Variants in STARD13 observed in about 807,000 individuals in gnomAD.
The protein encoded by STARD13 is StAR related lipid transfer domain containing 13.
In STARD13, 62 loss-of-function variants were observed where a neutral mutation model predicts 106.4. The ratio of observed to expected loss-of-function variants is 0.58; its 90% CI spans 0.48 to 0.72. The LOEUF (loss-of-function observed/expected upper bound fraction) is 0.72, where lower values mean the gene tolerates loss of function less well. Ranked by LOEUF, STARD13 falls within the 30% of genes least tolerant of loss-of-function variation. STARD13 has a pLI of 0.00. For synonymous variants in STARD13, 565 were observed against 553.0 expected, an observed-to-expected ratio of 1.02 and a Z score of -0.31; for missense variants, 1,387 against 1,424.0, an observed-to-expected ratio of 0.97 and a Z score of 0.42.
chr13:33,239,112 G>A (rs1332923912), intron 1 of STARD13, among the ~76,000 whole-genome samples: 2 of 151,948 alleles, frequency 1.3e-5, no homozygotes, highest in East Asian at 1.9e-4. Flanking sequence ...CCTCATGGAA[G>A]TGGAATCATG....
At chr13:33,402,750 G>A in the STARD13 span, among the ~76,000 whole-genome samples, 1 of 152,212 alleles carries the variant, frequency 6.6e-6, no homozygotes, top group Admixed American at 6.5e-5. Flanking sequence ...GAGAAGAGGA[G>A]GAATTTCTGA....
Position 33,196,429 on chromosome 13 carries a change from A to G in STARD13, c.170-28807T>C, listed in dbSNP as rs1249333799. Among the ~76,000 whole-genome samples, 3 of 152,328 alleles carry G rather than the reference A, an allele frequency of 2.0e-5. No individual in the cohort carries two copies. In the South Asian group the frequency reaches 6.2e-4, roughly 32 times the overall value. ...CAAATAAAATAAATATTTTTAAAGA[A>G]ACAAATTGTTATGCCAGTATGCAAT... On this transcript the variant is annotated intron_variant, in intron 1 of 13. Coordinates refer to ENST00000336934, the MANE Select transcript of STARD13 (RefSeq NM_178006.4).
chr13:33,656,287 G>A, the STARD13 span, among the ~76,000 whole-genome samples: 1 of 152,144 alleles, frequency 6.6e-6, no homozygotes, highest in Non-Finnish European at 1.5e-5. Flanking sequence ...AGGGAAAAGC[G>A]ATAGAAGGGA....
chr13:33,430,179 A>G, the STARD13 span, among the ~76,000 whole-genome samples: 4 of 152,228 alleles, frequency 2.6e-5, no homozygotes, highest in Admixed American at 6.5e-5. Context: ...GGCCTCCCAA[A>G]GTACTGGGAT....
At chr13:33,505,634 T>C in the STARD13 span, among the ~76,000 whole-genome samples, 10 of 152,306 alleles carry the variant, frequency 6.6e-5, no homozygotes, top group East Asian at 1.9e-3. Context: ...TTTAACTACA[T>C]CTTTTGTTAA....
intron 1 of STARD13, among the ~76,000 whole-genome samples, chr13:33,247,526 G>C (rs1481269395): frequency 6.6e-6 from 1 of 151,744 alleles, no homozygotes; most frequent in African/African-American, 2.4e-5. Flanking sequence ...GTTTCAGGGT[G>C]CCTAATATAC....
chr13:33,370,619 C>CTTTTTTTTTTT, the STARD13 span, among the ~76,000 whole-genome samples: 1 of 131,620 alleles, frequency 7.6e-6, no homozygotes, highest in Non-Finnish European at 1.6e-5. Flanking sequence ...TTCTTTCTTT[C>CTTTTTTTTTTT]TTTTTTTTTT....
intron 1 of STARD13, among the ~76,000 whole-genome samples, chr13:33,209,324 T>C (rs1302646895): frequency 1.3e-5 from 2 of 152,192 alleles, no homozygotes; most frequent in Middle Eastern, 3.2e-3. Context: ...CCAGAACCTG[T>C]GTGCCTGAGC....
chr13:33,264,647 C>T (rs1020793168), intron 1 of STARD13, among the ~76,000 whole-genome samples: 1 of 152,100 alleles, frequency 6.6e-6, no homozygotes, highest in Non-Finnish European at 1.5e-5. Flanking sequence ...GGGACAAGAA[C>T]ACTAAGTGGG....
chr13:33,233,040 T>C (rs1395215081), intron 1 of STARD13, among the ~76,000 whole-genome samples: 2 of 152,216 alleles, frequency 1.3e-5, no homozygotes, highest in African/African-American at 4.8e-5. Flanking sequence ...ACCAAACCCC[T>C]GGCACTTCAG....
the STARD13 span, among the ~76,000 whole-genome samples, chr13:33,544,130 CTAAAAT>C: frequency 7.2e-5 from 11 of 152,108 alleles, no homozygotes; most frequent in Non-Finnish European, 1.3e-4. Flanking sequence ...TTAGAAATGA[CTAAAAT>C]TAAGGACAAA....
chr13:33,586,456 G>A, the STARD13 span, among the ~76,000 whole-genome samples: 49 of 152,250 alleles, frequency 3.2e-4, no homozygotes, highest in Middle Eastern at 3.4e-3. Context: ...TGACATTCTT[G>A]ATACATGGCC....
chr13:33,321,892 C>T (rs1016370750), intron 1 of STARD13, among the ~76,000 whole-genome samples: 13 of 152,168 alleles, frequency 8.5e-5, no homozygotes, highest in East Asian at 3.8e-4. Flanking sequence ...AGCATTCATG[C>T]GTAATTTTTG....
At chr13:33,107,504 G>A (rs1566526520) in intron 12 of STARD13, among the ~76,000 whole-genome samples, 1 of 152,186 alleles carries the variant, frequency 6.6e-6, no homozygotes, top group Non-Finnish European at 1.5e-5. Flanking sequence ...TGCTCAAAGA[G>A]AAGTGAACTG....
chr13:33,621,554 C>A, the STARD13 span, among the ~76,000 whole-genome samples: 1 of 151,182 alleles, frequency 6.6e-6, no homozygotes. Context: ...GTGGTGGGTG[C>A]CTGTAGTCCC....
At chr13:33,526,700 T>G in the STARD13 span, among the ~76,000 whole-genome samples, 1 of 143,886 alleles carries the variant, frequency 6.9e-6, no homozygotes, top group African/African-American at 2.9e-5. Context: ...GAAGTGGTAA[T>G]GCTTTGTACT....
chr13:33,249,205 A>G (rs1440660893), intron 1 of STARD13, among the ~76,000 whole-genome samples: 2 of 152,242 alleles, frequency 1.3e-5, no homozygotes, highest in Non-Finnish European at 2.9e-5. Flanking sequence ...AGGGAAATCA[A>G]CAGACACACA....
chr13:33,491,140 C>T, the STARD13 span, among the ~76,000 whole-genome samples: 3 of 152,228 alleles, frequency 2.0e-5, no homozygotes, highest in African/African-American at 7.2e-5. Context: ...AATTAAAATG[C>T]AAGTTCTGTG....
the STARD13 span, among the ~76,000 whole-genome samples, chr13:33,479,637 G>A: frequency 3.9e-5 from 6 of 152,176 alleles, no homozygotes; most frequent in African/African-American, 1.2e-4. Flanking sequence ...CTTTGGATAT[G>A]TGTCCTCGCC....
Sources: gnomAD v4.1 joint callset for allele counts (sites outside exome capture counted in the v4.1 genomes callset) on GRCh38, gnomAD v4.1.1 for gene constraint, MANE v1.5 for transcripts, NCBI Gene and HGNC (gene_info 2026-07-23, HGNC 2026-07-21) for gene names.